NEK11: variants seen among roughly 807,000 people sequenced by gnomAD.
NEK11 encodes serine/threonine-protein kinase Nek11.
Under a neutral mutation model 80.7 loss-of-function variants are expected in NEK11, and 72 were observed. The observed-to-expected ratio is 0.89, with a 90% CI of 0.74 to 1.08. The LOEUF (loss-of-function observed/expected upper bound fraction) is 1.08. NEK11 is among the 50% of genes least tolerant of loss of function. NEK11 has a pLI of 0.00. For synonymous variants in NEK11, 251 were observed against 260.7 expected (o/e 0.96, Z 0.36); for missense variants, 764 against 763.6 (o/e 1.00, Z -0.01).
rs533184413 is a variant in NEK11, at chr3:131,340,508, C to T, written c.1719-9049C>T. ...TATTTTTTTATAAATGAAAGGTAAG[C>T]ACAGGAAGAGGTAATAAAGGAATTT... is the stretch of plus-strand genomic sequence containing the variant. On this transcript the variant is annotated intron_variant, in intron 17 of 17. Transcript: ENST00000383366. 4.6e-5 allele frequency among the ~76,000 whole-genome samples: 7 copies of T among 151,996 alleles called. No homozygotes were observed. In the South Asian group the frequency reaches 1.5e-3, roughly 32 times the overall value.
intron 16 of NEK11, among the ~76,000 whole-genome samples, chr3:131,252,965 T>C (rs1381728762): frequency 6.6e-6 from 1 of 152,150 alleles, no homozygotes; most frequent in Non-Finnish European, 1.5e-5. Flanking sequence ...TCTTCCTAGA[T>C]TTTTTTCCTC....
chr3:131,077,623 G>A (rs751338528), intron 3 of NEK11, among the ~76,000 whole-genome samples: 9 of 152,196 alleles, frequency 5.9e-5, no homozygotes, highest in Non-Finnish European at 1.3e-4. Context: ...TTCACAGCAA[G>A]AGAATATTGC....
At chr3:131,258,306 C>T (rs1051890816) in intron 16 of NEK11, among the ~76,000 whole-genome samples, 16 of 151,914 alleles carry the variant, frequency 1.1e-4, no homozygotes, top group African/African-American at 1.5e-4. Context: ...TCCCCAAAAA[C>T]TATTGAAATA....
chr3:131,326,466 A>G (rs2096968155), intron 17 of NEK11, among the ~76,000 whole-genome samples: 1 of 152,214 alleles, frequency 6.6e-6, no homozygotes, highest in Admixed American at 6.5e-5. Flanking sequence ...AGAGCTTATG[A>G]GAGCTGGGCA....
At chr3:131,180,681 A>C (rs2093296508) in intron 14 of NEK11, among the ~76,000 whole-genome samples, 1 of 152,234 alleles carries the variant, frequency 6.6e-6, no homozygotes, top group Non-Finnish European at 1.5e-5. Context: ...TGTACTTTAC[A>C]GAATCAAAGA....
At chr3:131,198,521 A>G (rs2094112542) in intron 14 of NEK11, among the ~76,000 whole-genome samples, 1 of 152,160 alleles carries the variant, frequency 6.6e-6, no homozygotes. Flanking sequence ...ACATCATGAG[A>G]TGTCCACACA....
intron 3 of NEK11, among the ~76,000 whole-genome samples, chr3:131,076,866 T>C (rs1363048068): frequency 6.6e-6 from 1 of 152,260 alleles, no homozygotes; most frequent in Non-Finnish European, 1.5e-5. Context: ...AAAAGACATG[T>C]GTTTGACTCA....
intron 4 of NEK11, among the ~76,000 whole-genome samples, chr3:131,107,421 A>G (rs1323253761): frequency 6.6e-6 from 1 of 151,872 alleles, no homozygotes; most frequent in Non-Finnish European, 1.5e-5. Context: ...CTTTAAGGCA[A>G]ATTTTTCTTT....
chr3:131,237,293 G>A (rs1170717766), intron 15 of NEK11, among the ~76,000 whole-genome samples: 1 of 152,136 alleles, frequency 6.6e-6, no homozygotes, highest in Non-Finnish European at 1.5e-5. Flanking sequence ...CGATGATTAA[G>A]CCACTGTACT....
chr3:131,104,477 G>A (rs994020220), intron 4 of NEK11, among the ~76,000 whole-genome samples: 1 of 152,128 alleles, frequency 6.6e-6, no homozygotes, highest in Non-Finnish European at 1.5e-5. Flanking sequence ...GACAGCAGGG[G>A]CAGGGGCTGT....
At chr3:131,115,309 G>T (rs1442537003) in intron 5 of NEK11, among the ~76,000 whole-genome samples, 1 of 152,088 alleles carries the variant, frequency 6.6e-6, no homozygotes, top group African/African-American at 2.4e-5. Flanking sequence ...GGCTTTCCTG[G>T]GTCTCTAGCT....
Position 131,159,830 on chromosome 3 carries a change from G to A in NEK11, c.963-2578G>A, listed in dbSNP as rs544012413. Among the ~76,000 whole-genome samples the A allele has an allele frequency of 1.7e-4, 26 of 152,160 alleles. 1 individual carries two copies. The South Asian group carries it at 4.8e-3, about 28-fold the overall frequency. On this transcript the variant is annotated intron_variant, in intron 10 of 17. Coordinates refer to ENST00000383366, the MANE Select transcript of NEK11 (RefSeq NM_024800.5). ...GGACCTAGCTGAGGAAAGAATCTCA[G>A]AGCTTGAAGACTGGTTTTCTGAAAT...
At chr3:131,082,289 A>G (rs1038927591) in intron 4 of NEK11, among the ~76,000 whole-genome samples, 7 of 152,190 alleles carry the variant, frequency 4.6e-5, no homozygotes, top group African/African-American at 1.7e-4. Context: ...TAATTTGTTC[A>G]TATTTCTTCT....
At chr3:131,152,361 A>G in intron 7 of NEK11, 27 bp from the exon 8 acceptor site, 1 of 1,564,884 alleles carries the variant, frequency 6.4e-7, no homozygotes, top group Non-Finnish European at 8.6e-7. Flanking sequence ...TTTGTTCCTT[A>G]TTTAAATTCT....
In NEK11 at chr3:131,133,968, A is replaced by G. The variant is rs2085042180; in HGVS notation, c.647+12A>G. On this transcript the variant is annotated intron_variant, in intron 7 of 17. Transcript: ENST00000383366. ...AAGTCGGACATCTGGTGAGTGGGCT[A>G]GTGGGCTAGACTCTTCATCTGCTTC... The G allele has an allele frequency of 1.2e-6, 2 of 1,604,892 alleles. No individual in the cohort carries two copies. Among genetic ancestry groups the G allele is most frequent in the East Asian group, 4.5e-5 (2 of 44,706 alleles).
At chr3:131,096,875 T>A in intron 4 of NEK11, among the ~76,000 whole-genome samples, 1 of 113,352 alleles carries the variant, frequency 8.8e-6, no homozygotes, top group Non-Finnish European at 1.8e-5. Flanking sequence ...CCTAATGCTA[T>A]CCCTCCCCCC....
intron 3 of NEK11, among the ~76,000 whole-genome samples, chr3:131,075,869 CAGAT>C (rs986731642): frequency 4.9e-4 from 75 of 152,288 alleles, no homozygotes; most frequent in African/African-American, 1.7e-3. Context: ...TTACAGAACA[CAGAT>C]AGTTCATAGC....
At chr3:131,342,130 A>T (rs1582457850) in intron 17 of NEK11, among the ~76,000 whole-genome samples, 1 of 152,326 alleles carries the variant, frequency 6.6e-6, no homozygotes, top group Non-Finnish European at 1.5e-5. Context: ...CACGTGCTCT[A>T]TCTGGGCACG....
chr3:131,303,878 G>A (rs2096691802), intron 17 of NEK11, among the ~76,000 whole-genome samples: 1 of 152,152 alleles, frequency 6.6e-6, no homozygotes, highest in Admixed American at 6.5e-5. Context: ...TGCACTTCCT[G>A]ATTTTGAATA....
Sources: gnomAD v4.1 joint callset for allele counts (sites outside exome capture counted in the v4.1 genomes callset) on GRCh38, gnomAD v4.1.1 for gene constraint, MANE v1.5 for transcripts, NCBI Gene and HGNC (gene_info 2026-07-23, HGNC 2026-07-21) for gene names.